TRPM3: variants seen among roughly 807,000 people sequenced by gnomAD.
TRPM3 encodes long transient receptor potential channel 3.
Under a neutral mutation model 181.2 loss-of-function variants are expected in TRPM3, and 77 were observed. That is an observed-to-expected ratio of 0.42 (90% CI 0.35 to 0.51). The LOEUF is 0.51. TRPM3 is among the 20% of genes least tolerant of loss of function. The pLI is 0.01. For synonymous variants in TRPM3, 745 were observed against 796.4 expected, an observed-to-expected ratio of 0.94 and a Z score of 1.09; for missense variants, 1,759 against 2,196.7, an observed-to-expected ratio of 0.80 and a Z score of 3.98.
rs1358279099 is a variant in TRPM3, at chr9:70,625,234, T to C, written c.1766A>G (p.Lys589Arg). 1.9e-6 allele frequency: 3 copies of C among 1,614,090 alleles called. No homozygotes were observed. Among genetic ancestry groups the C allele is most frequent in the Non-Finnish European group, 1.7e-6 (2 of 1,180,020 alleles). Residue 589 changes from lysine to arginine, a missense_variant, in exon 14 of 26, where the codon AAG (lysine) becomes AGG (arginine). Physicochemically the swap from Lys to Arg is conservative, Grantham distance 26. Transcript: ENST00000677713. This position sits in a 1 kb window ranked among gnomAD's most constrained non-coding sequence, Gnocchi z 4.8. The stretch of plus-strand genomic sequence containing the variant: ...GTTGTGGTAGAGGGTCCGGAAGCGC[T>C]TGCGCGTGTAGTTGCAGCGATAAGC... ...GGAYRCNYTRKRFRTLYHNLF... is the reference protein window; with the variant it reads ...GGAYRCNYTRRRFRTLYHNLF...
intron 1 of TRPM3, among the ~76,000 whole-genome samples, chr9:71,348,457 A>ATTT (rs11314389): frequency 1.4e-5 from 2 of 147,664 alleles, no homozygotes; most frequent in African/African-American, 2.5e-5. Flanking sequence ...GACTTTTCCC[A>ATTT]TTTTTTTTTT....
intron 1 of TRPM3, among the ~76,000 whole-genome samples, chr9:71,307,564 T>C (rs2087474559): frequency 6.6e-6 from 1 of 152,192 alleles, no homozygotes; most frequent in South Asian, 2.1e-4. Context: ...AGTCTGCTTC[T>C]CCTCTCTCCT....
intron 1 of TRPM3, among the ~76,000 whole-genome samples, chr9:71,048,684 G>A (rs1460756432): frequency 1.3e-5 from 2 of 152,168 alleles, no homozygotes; most frequent in African/African-American, 2.4e-5. Flanking sequence ...TGATGTGCTG[G>A]TTAGAGCTGG....
intron 1 of TRPM3, among the ~76,000 whole-genome samples, chr9:71,410,176 C>A (rs1014532080): frequency 6.6e-6 from 1 of 152,000 alleles, no homozygotes; most frequent in Non-Finnish European, 1.5e-5. Context: ...AAAATTGACA[C>A]CCTAACATCA....
intron 1 of TRPM3, among the ~76,000 whole-genome samples, chr9:71,415,621 A>G (rs1386028569): frequency 1.3e-5 from 2 of 152,026 alleles, no homozygotes; most frequent in Non-Finnish European, 2.9e-5. Context: ...TATAAATCTC[A>G]GCTGCTGTAT....
rs78083393 is a variant in TRPM3, at chr9:71,031,347, C to A, written c.177+89831G>T. On this transcript the variant is annotated intron_variant, in intron 1 of 25. Coordinates refer to ENST00000677713, the MANE Select transcript of TRPM3 (RefSeq NM_001366145.2). ...AAGACAGCAGAATTATGGTTAGCCT[C>A]ATTTGAGTTTGAATATCGGTTCTAC... Among the ~76,000 whole-genome samples the A allele has an allele frequency of 4.9e-3, 751 of 152,262 alleles. 18 individuals carry two copies. In the East Asian group the frequency reaches 0.078, roughly 16 times the overall value.
Position 70,537,053 on chromosome 9 carries a change from C to T in TRPM3, c.4060G>A (p.Val1354Ile). The T allele has an allele frequency of 6.2e-7, 1 of 1,612,626 alleles. No individual in the cohort carries two copies. Among genetic ancestry groups the T allele is most frequent in the Non-Finnish European group, 8.5e-7 (1 of 1,178,748 alleles). ...PRMRSHSFYS[V>I]NMKDKGGIEK... ...ATACCACCTTTGTCTTTCATATTGA[C>T]CGAATAGAAAGAATGGCTTCGCATA... The change falls in exon 26 of 26, where the codon GTC becomes ATC. Residue 1354 changes from valine to isoleucine, a missense_variant. Around this residue, in one of 8 missense-constraint regions of TRPM3, gnomAD observed 612 missense variants for 590.0 expected, o/e 1.04. Coordinates refer to ENST00000677713, the MANE Select transcript of TRPM3 (RefSeq NM_001366145.2).
At chr9:70,864,701 G>C (rs1450591653) in intron 1 of TRPM3, among the ~76,000 whole-genome samples, 190 bp from the exon 2 acceptor site, 1 of 151,770 alleles carries the variant, frequency 6.6e-6, no homozygotes, top group Non-Finnish European at 1.5e-5. Context: ...TCCCGTACCT[G>C]CTGATTAGAT....
At chr9:71,402,497 C>T (rs1003622666) in intron 1 of TRPM3, among the ~76,000 whole-genome samples, 5 of 152,126 alleles carry the variant, frequency 3.3e-5, no homozygotes, top group Admixed American at 3.3e-4. Flanking sequence ...AGCATTTCTC[C>T]TGTGTATTTT....
chr9:71,102,893 A>G (rs968749319), intron 1 of TRPM3, among the ~76,000 whole-genome samples: 5 of 152,220 alleles, frequency 3.3e-5, no homozygotes, highest in African/African-American at 1.2e-4. Context: ...GACATGGTCA[A>G]AAATATTTAT....
chr9:71,110,463 G>A (rs188306140), intron 1 of TRPM3, among the ~76,000 whole-genome samples: 26 of 152,188 alleles, frequency 1.7e-4, no homozygotes, highest in Middle Eastern at 3.4e-3. Context: ...TATTGTCTGC[G>A]GCTGCTTTCA....
chr9:70,867,085 C>A (rs1469347783), intron 1 of TRPM3, among the ~76,000 whole-genome samples: 1 of 152,028 alleles, frequency 6.6e-6, no homozygotes, highest in Non-Finnish European at 1.5e-5. Flanking sequence ...GGTCTTGGAA[C>A]CAGTTCATCC....
At chr9:71,321,820 G>C (rs7469432) in intron 1 of TRPM3, among the ~76,000 whole-genome samples, 27,148 of 151,836 alleles carry the variant, frequency 0.18, 2,780 homozygotes, top group Middle Eastern at 0.32. Flanking sequence ...TTAATTTGGC[G>C]GGCAATTTTT....
intron 1 of TRPM3, among the ~76,000 whole-genome samples, chr9:71,182,257 G>A (rs4744624): frequency 0.43 from 65,553 of 151,688 alleles, 14,506 homozygotes; most frequent in East Asian, 0.52. Flanking sequence ...TGGGGTATAT[G>A]TGTGTGCACA....
intron 1 of TRPM3, among the ~76,000 whole-genome samples, chr9:71,412,851 A>T (rs569387229): frequency 5.3e-4 from 80 of 152,332 alleles, no homozygotes; most frequent in African/African-American, 1.9e-3. Context: ...ACCAACCCAA[A>T]TGTCCATCAA....
chr9:71,230,340 C>A (rs2080970310), intron 1 of TRPM3, among the ~76,000 whole-genome samples: 1 of 149,620 alleles, frequency 6.7e-6, no homozygotes, highest in South Asian at 2.1e-4. Context: ...GGGAATGGGG[C>A]AGAAGTGGGG....
intron 24 of TRPM3, among the ~76,000 whole-genome samples, chr9:70,551,644 C>T (rs1285332800): frequency 6.6e-6 from 1 of 152,184 alleles, no homozygotes; most frequent in Admixed American, 6.5e-5. Flanking sequence ...CCACAAATGA[C>T]TCATGCTGTA....
chr9:71,108,018 G>GCATTTA (rs1176331270), intron 1 of TRPM3, among the ~76,000 whole-genome samples: 1 of 152,134 alleles, frequency 6.6e-6, no homozygotes, highest in Admixed American at 6.6e-5. Context: ...ACTCAAGAAG[G>GCATTTA]CATTTACGGG....
rs141111368 is a variant in TRPM3 at position 70,976,845 on chromosome 9, A to C, written c.178-112334T>G. On this transcript the variant is annotated intron_variant, in intron 1 of 25. Transcript: ENST00000677713. ...GTCTAGTGACTGCCTCAAAAGTGGT[A>C]GTTATTAATGGAGTCCTTGCCTGAG... Among the ~76,000 whole-genome samples, 3 of 152,164 alleles carry C rather than the reference A, an allele frequency of 2.0e-5. No individual in the cohort carries two copies. In the South Asian group the frequency reaches 6.2e-4, roughly 32 times the overall value.
Sources: allele counts gnomAD v4.1 joint callset (sites outside exome capture counted in the v4.1 genomes callset), GRCh38; gene constraint gnomAD v4.1.1; regional missense constraint gnomAD v4.1.1; non-coding constraint Gnocchi (gnomAD v3.1); transcripts MANE v1.5; gene names NCBI Gene and HGNC (gene_info 2026-07-23, HGNC 2026-07-21).